MMD2: variants seen among roughly 807,000 people sequenced by gnomAD.
MMD2 encodes the protein monocyte to macrophage differentiation associated 2, also known as monocyte to macrophage differentiation factor 2.
In MMD2, 30 loss-of-function variants were observed where a neutral mutation model predicts 33.5. The observed-to-expected ratio is 0.90, with a 90% CI of 0.67 to 1.22. The LOEUF is 1.22. Among genes scored for constraint, MMD2 ranks in the 50% most tolerant of loss-of-function variants. The pLI is 0.00. For synonymous variants in MMD2, 129 were observed against 123.0 expected, an observed-to-expected ratio of 1.05 and a Z score of -0.32; for missense variants, 364 against 325.4, an observed-to-expected ratio of 1.12 and a Z score of -0.91.
chr7:4,916,151 C>T, intron 3 of MMD2, 72 bp from the exon 4 acceptor site: 2 of 1,447,330 alleles, frequency 1.4e-6, no homozygotes, highest in Admixed American at 1.7e-5. Flanking sequence ...CAGAGCCGTG[C>T]CCTGGACTGA....
At chr7:4,934,223 C>T (rs1189025465) in intron 1 of MMD2, among the ~76,000 whole-genome samples, 1 of 152,130 alleles carries the variant, frequency 6.6e-6, no homozygotes, top group Non-Finnish European at 1.5e-5. Context: ...AGCCACTATG[C>T]CCGGCCCACA....
chr7:4,945,417 C>T (rs1296694502), intron 1 of MMD2, among the ~76,000 whole-genome samples: 3 of 150,622 alleles, frequency 2.0e-5, no homozygotes, highest in Non-Finnish European at 4.4e-5. Context: ...TACAGGTGCC[C>T]GCCACCATGC....
chr7:4,953,223 C>T (rs1182693368), intron 1 of MMD2, among the ~76,000 whole-genome samples: 2 of 151,706 alleles, frequency 1.3e-5, no homozygotes, highest in East Asian at 3.9e-4. Context: ...CTGTTGTCTG[C>T]TTCCCACAGA....
chr7:4,901,801 C>T (rs1045324284), downstream of MMD2, among the ~76,000 whole-genome samples: 3 of 152,256 alleles, frequency 2.0e-5, no homozygotes, highest in Admixed American at 6.5e-5. Flanking sequence ...GGGGAGCCTG[C>T]ACCTGGCTTG....
chr7:4,912,619 A>C (rs1163419573), intron 4 of MMD2, among the ~76,000 whole-genome samples: 1 of 151,536 alleles, frequency 6.6e-6, no homozygotes, highest in Admixed American at 6.6e-5. Flanking sequence ...ACCTCTTCCT[A>C]AGTGGTTTTG....
chr7:4,908,624 G>A (rs1784924052), intron 6 of MMD2, among the ~76,000 whole-genome samples: 1 of 151,934 alleles, frequency 6.6e-6, no homozygotes, highest in South Asian at 2.1e-4. Flanking sequence ...TCAAGGCCGG[G>A]CACGGTGGCT....
chr7:4,895,266 G>A, the MMD2 span, among the ~76,000 whole-genome samples: 35 of 152,098 alleles, frequency 2.3e-4, no homozygotes, highest in Admixed American at 3.9e-4. Context: ...TAGTAAAGAC[G>A]GGTTTTGCCA....
At chr7:4,952,799 CT>C (rs1786284151) in intron 1 of MMD2, among the ~76,000 whole-genome samples, 1 of 150,634 alleles carries the variant, frequency 6.6e-6, no homozygotes, top group Non-Finnish European at 1.5e-5. Context: ...TCAAGCAATT[CT>C]CCTGCCTCAG....
At chr7:4,904,059 A>G (rs1784828948), downstream of MMD2, among the ~76,000 whole-genome samples, 1 of 151,954 alleles carries the variant, frequency 6.6e-6, no homozygotes. Context: ...CAGCCTCCCG[A>G]GTAGCTGAGA....
chr7:4,956,010 G>A (rs529444575), intron 1 of MMD2, among the ~76,000 whole-genome samples: 60 of 152,078 alleles, frequency 3.9e-4, no homozygotes, highest in Non-Finnish European at 7.5e-4. Flanking sequence ...CAGAGATTGC[G>A]CCATTGCACT....
At chr7:4,896,341 A>C in the MMD2 span, among the ~76,000 whole-genome samples, 1 of 152,130 alleles carries the variant, frequency 6.6e-6, no homozygotes, top group African/African-American at 2.4e-5. Context: ...TTAGCTGGGC[A>C]TGGCAGTGTA....
chr7:4,923,839 G>A (rs1395931729), intron 2 of MMD2, among the ~76,000 whole-genome samples: 1 of 152,176 alleles, frequency 6.6e-6, no homozygotes, highest in African/African-American at 2.4e-5. Flanking sequence ...GGGACTGACT[G>A]AGAAAATGCA....
At chr7:4,927,282 C>T (rs780374891) in intron 1 of MMD2, among the ~76,000 whole-genome samples, 1 of 152,050 alleles carries the variant, frequency 6.6e-6, no homozygotes, top group African/African-American at 2.4e-5. Context: ...CAGTGGCTCA[C>T]GCCCGTAATC....
chr7:4,935,291 G>A (rs1486782921), intron 1 of MMD2, among the ~76,000 whole-genome samples: 1 of 152,100 alleles, frequency 6.6e-6, no homozygotes, highest in Admixed American at 6.5e-5. Flanking sequence ...GGTCGACGCT[G>A]CAGTGAGCTA....
At chr7:4,936,821 G>A (rs762233263) in intron 1 of MMD2, among the ~76,000 whole-genome samples, 19 of 148,820 alleles carry the variant, frequency 1.3e-4, no homozygotes, top group South Asian at 6.2e-4. Flanking sequence ...TGCAACTTCC[G>A]CCTCCCGGGT....
At chr7:4,957,147 C>G (rs1786405289) in intron 1 of MMD2, among the ~76,000 whole-genome samples, 1 of 142,074 alleles carries the variant, frequency 7.0e-6, no homozygotes, top group African/African-American at 2.6e-5. Flanking sequence ...GAGTCGGCAA[C>G]AGAGTGAGAC....
rs996208904 is a variant in MMD2 at position 4,920,443 on chromosome 7, T to C, written c.130-112A>G. On this transcript the variant is annotated intron_variant, in intron 2 of 6. Transcript: ENST00000401401. ...ACGTGGCAGCACTCGGCTCTTGAAA[T>C]GTGGTCAGTGCCACTGAAGAACGGA... The C allele has an allele frequency of 1.3e-5, 13 of 1,020,408 alleles. No individual in the cohort carries two copies. The African/African-American group carries it at 1.9e-4, about 15-fold the overall frequency. 63.2% of individuals were successfully genotyped at this position (1,020,408 alleles called of 1,614,324 possible). A position where few individuals can be genotyped will look rare whatever the true frequency, so the allele number is the denominator to read the frequency against.
intron 5 of MMD2, among the ~76,000 whole-genome samples, chr7:4,910,578 C>A (rs1042783251): frequency 6.6e-6 from 1 of 152,056 alleles, no homozygotes. Context: ...TGTGACCACC[C>A]CCGCCTCCCC....
intron 6 of MMD2, 154 bp downstream of exon 6, chr7:4,909,727 A>G (rs1163512960): frequency 1.0e-6 from 1 of 987,082 alleles, no homozygotes; most frequent in East Asian, 2.6e-5. Flanking sequence ...GAGCCACTGT[A>G]CCTGGCCTAC....
Sources: allele counts gnomAD v4.1 joint callset (sites outside exome capture counted in the v4.1 genomes callset), GRCh38; gene constraint gnomAD v4.1.1; transcripts MANE v1.5; gene names NCBI Gene and HGNC (gene_info 2026-07-23, HGNC 2026-07-21).